The following SLC22A25 variants were observed in gnomAD, a reference collection of about 807,000 sequenced individuals.
SLC22A25 encodes MGI:2442751, MGI:2385316, MGI:3042283, MGI:3645714, MGI:3605624, MGI:2442750.
SLC22A25 carries 44 observed loss-of-function variants against 45.9 expected under a neutral mutation model. That is an observed-to-expected ratio of 0.96 (90% CI 0.75 to 1.23). The LOEUF (loss-of-function observed/expected upper bound fraction) is 1.23. Among genes scored for constraint, SLC22A25 ranks in the 50% most tolerant of loss-of-function variants. The probability of loss-of-function intolerance (pLI) is 0.00; values close to 1 mark genes in which losing one functional copy is unlikely to be tolerated. For synonymous variants in SLC22A25, 283 were observed against 238.6 expected, an observed-to-expected ratio of 1.19 and a Z score of -1.72; for missense variants, 800 against 666.4, an observed-to-expected ratio of 1.20 and a Z score of -2.21.
intron 10 of SLC22A25, 117 bp downstream of exon 10, chr11:63,165,927 G>A: frequency 1.6e-6 from 2 of 1,287,386 alleles, no homozygotes; most frequent in Non-Finnish European, 2.1e-6. Context: ...TTTCTATCAG[G>A]GAATCCTGAG....
chr11:63,184,350 A>G (rs947119522), intron 7 of SLC22A25, among the ~76,000 whole-genome samples: 1 of 152,120 alleles, frequency 6.6e-6, no homozygotes. Flanking sequence ...TGATTGTTAC[A>G]GAGATAAGAG....
intron 1 of SLC22A25, among the ~76,000 whole-genome samples, chr11:63,242,581 T>C (rs1483345231): frequency 6.6e-6 from 1 of 152,180 alleles, no homozygotes; most frequent in Non-Finnish European, 1.5e-5. Context: ...CCTCTTCCTG[T>C]GTGATTGTGA....
chr11:63,182,108 A>G lies in SLC22A25; in HGVS notation c.955-1333T>C, dbSNP rs148370462. Among the ~76,000 whole-genome samples the G allele has an allele frequency of 1.0e-3, 159 of 152,188 alleles. 1 individual carries two copies. Among genetic ancestry groups the G allele is most frequent in the African/African-American group, 3.8e-3 (158 of 41,534 alleles). ...TGGAGGTTGAAACAGGAATAAGACCACACACATATGGATAATATTTACAAA... is the reference window on the plus strand; with the variant it reads ...TGGAGGTTGAAACAGGAATAAGACCGCACACATATGGATAATATTTACAAA... On this transcript the variant is annotated intron_variant, in intron 8 of 11. Transcript: ENST00000306494.
intron 7 of SLC22A25, among the ~76,000 whole-genome samples, chr11:63,196,936 T>A (rs532220620): frequency 6.6e-6 from 1 of 152,000 alleles, no homozygotes; most frequent in African/African-American, 2.4e-5. Flanking sequence ...TGTGCAAAAA[T>A]CACAAGCATT....
chr11:63,243,367 A>C, intron 1 of SLC22A25, 67 bp downstream of exon 1: 1 of 621,354 alleles, frequency 1.6e-6, no homozygotes. Context: ...CCACCTGTTA[A>C]CTAATGCTGG....
chr11:63,223,052 A>G (rs954133692), intron 5 of SLC22A25, among the ~76,000 whole-genome samples: 1 of 151,898 alleles, frequency 6.6e-6, no homozygotes, highest in African/African-American at 2.4e-5. Context: ...GAATTTTTTC[A>G]TCAATGTTCT....
intron 9 of SLC22A25, among the ~76,000 whole-genome samples, chr11:63,169,482 C>A (rs1014841516): frequency 5.9e-5 from 9 of 151,510 alleles, no homozygotes; most frequent in Admixed American, 5.9e-4. Flanking sequence ...ATTTACCAAG[C>A]AAAGAGAAAG....
chr11:63,220,196 C>A (rs1384183516), intron 5 of SLC22A25, among the ~76,000 whole-genome samples: 2 of 152,100 alleles, frequency 1.3e-5, no homozygotes, highest in Non-Finnish European at 2.9e-5. Context: ...GGCATGATTT[C>A]TCAGGACACC....
At chr11:63,196,306 A>G (rs1316126490) in intron 7 of SLC22A25, among the ~76,000 whole-genome samples, 1 of 152,208 alleles carries the variant, frequency 6.6e-6, no homozygotes, top group Non-Finnish European at 1.5e-5. Flanking sequence ...ACAACAAAAA[A>G]AAGAATTTTA....
intron 1 of SLC22A25, 191 bp downstream of exon 1, chr11:63,243,243 G>C (rs569925099): frequency 2.8e-6 from 1 of 352,774 alleles, no homozygotes; most frequent in South Asian, 2.8e-5. Context: ...CCATCCAGCC[G>C]TACATGCACA....
rs1276491320 is a variant in SLC22A25 at position 63,230,005 on chromosome 11, TAAAC to T, written c.-357_-354del. On this transcript the variant is annotated 5_prime_UTR_variant, in exon 4 of 12. Transcript: ENST00000306494. ...GAACTTTGGTCTGCACATTTTTTTG[TAAAC>T]AAACTAAAATAAATCTGCTACTTGG... Among the ~76,000 whole-genome samples, 4 of 152,244 alleles carry T rather than the reference TAAAC, an allele frequency of 2.6e-5. No individual in the cohort carries two copies. The highest frequency in any genetic ancestry group is 7.2e-5 in the African/African-American group (3 of 41,466).
chr11:63,213,251 G>C (rs1478337914), intron 7 of SLC22A25, among the ~76,000 whole-genome samples: 9 of 152,312 alleles, frequency 5.9e-5, no homozygotes, highest in Non-Finnish European at 7.3e-5. Flanking sequence ...CCCTCCTATG[G>C]GAAAAGGAAC....
intron 3 of SLC22A25, among the ~76,000 whole-genome samples, chr11:63,237,463 T>C (rs1045034849): frequency 1.3e-5 from 2 of 152,156 alleles, no homozygotes; most frequent in Non-Finnish European, 2.9e-5. Flanking sequence ...CCCTTCCACC[T>C]TCTGCTGTGA....
chr11:63,211,166 C>G (rs1307943131), intron 7 of SLC22A25, among the ~76,000 whole-genome samples: 1 of 152,142 alleles, frequency 6.6e-6, no homozygotes, highest in East Asian at 1.9e-4. Flanking sequence ...GGTAGTAGAG[C>G]TTAACCCTCA....
chr11:63,232,072 T>C (rs2090079248), intron 3 of SLC22A25, among the ~76,000 whole-genome samples: 1 of 152,046 alleles, frequency 6.6e-6, no homozygotes, highest in South Asian at 2.1e-4. Context: ...AGCGTGATGC[T>C]TCCAGCTTTG....
At chr11:63,195,029 A>G (rs1428471763) in intron 7 of SLC22A25, among the ~76,000 whole-genome samples, 1 of 151,844 alleles carries the variant, frequency 6.6e-6, no homozygotes, top group East Asian at 1.9e-4. Flanking sequence ...TGGTAAAGGG[A>G]TCAATGCAAC....
At chr11:63,209,718 A>G (rs1043668837) in intron 7 of SLC22A25, among the ~76,000 whole-genome samples, 2 of 152,050 alleles carry the variant, frequency 1.3e-5, no homozygotes, top group African/African-American at 4.8e-5. Context: ...GAAACAGCAC[A>G]CCCCTTCCTA....
intron 7 of SLC22A25, among the ~76,000 whole-genome samples, chr11:63,212,048 C>A (rs1402103601): frequency 6.6e-6 from 1 of 152,064 alleles, no homozygotes; most frequent in East Asian, 1.9e-4. Context: ...ATTTATGCAG[C>A]CAAAAGACAC....
At chr11:63,216,042 G>C (rs1359530737) in intron 7 of SLC22A25, among the ~76,000 whole-genome samples, 2 of 152,022 alleles carry the variant, frequency 1.3e-5, no homozygotes. Flanking sequence ...CCATGTTTTT[G>C]TTATTGTTGA....
Sources: allele counts gnomAD v4.1 joint callset (sites outside exome capture counted in the v4.1 genomes callset), GRCh38; gene constraint gnomAD v4.1.1; transcripts MANE v1.5; gene names NCBI Gene and HGNC (gene_info 2026-07-23, HGNC 2026-07-21).